The following SYNE2 variants were observed in gnomAD, a reference collection of about 807,000 sequenced individuals.
SYNE2 encodes spectrin repeat containing nuclear envelope protein 2.
Under a neutral mutation model 856.3 loss-of-function variants are expected in SYNE2, and 431 were observed. The ratio of observed to expected loss-of-function variants is 0.50; its 90% CI spans 0.47 to 0.55. The LOEUF is 0.55. Among genes scored for constraint, SYNE2 ranks in the 20% least tolerant of loss-of-function variants. The pLI is 0.00. For synonymous variants in SYNE2, 2,923 were observed against 2,872.3 expected (o/e 1.02, Z -0.56); for missense variants, 8,129 against 8,023.2 (o/e 1.01, Z -0.50).
intron 1 of SYNE2, among the ~76,000 whole-genome samples, chr14:63,803,053 TTC>T (rs1888214084): frequency 6.6e-6 from 1 of 152,168 alleles, no homozygotes; most frequent in South Asian, 2.1e-4. Flanking sequence ...CCTGCTTTTA[TTC>T]TCTTATCTGG....
rs559315562 is a variant in SYNE2, at chr14:63,927,097, C to G, written c.80-13517C>G. Among the ~76,000 whole-genome samples, 119 of 152,274 alleles carry G rather than the reference C, an allele frequency of 7.8e-4. 1 individual carries two copies. Among genetic ancestry groups the G allele is most frequent in the African/African-American group, 2.8e-3 (116 of 41,556 alleles). Reference sequence around the variant, plus strand: ...GAGAGGTGCTCTGGGGCCCACACAGCGCCTCCTAGGCTCTGTTAAGGATTT... The same window carrying G: ...GAGAGGTGCTCTGGGGCCCACACAGGGCCTCCTAGGCTCTGTTAAGGATTT... On this transcript the variant is annotated intron_variant, in intron 2 of 115. Coordinates refer to ENST00000555002, the MANE Select transcript of SYNE2 (RefSeq NM_182914.3).
chr14:63,911,494 T>C (rs1595584729), intron 2 of SYNE2, among the ~76,000 whole-genome samples: 1 of 152,282 alleles, frequency 6.6e-6, no homozygotes, highest in East Asian at 1.9e-4. Flanking sequence ...ATTATCTCAT[T>C]TGATCCTCAC....
In SYNE2 at chr14:63,813,047, T is replaced by C. The variant is rs143303287; in HGVS notation, c.-304-39454T>C. On this transcript the variant is annotated intron_variant, in intron 1 of 23. Coordinates refer to the SYNE2 transcript ENST00000674003. ...TCAAGAAGAGAGGAATTCACTCAAA[T>C]ATATAAGTACTGCAGTCAAATTCTG... Among the ~76,000 whole-genome samples the C allele has an allele frequency of 4.1e-3, 621 of 152,272 alleles. 8 individuals are homozygous for C. Among genetic ancestry groups the C allele is most frequent in the African/African-American group, 0.014 (583 of 41,554 alleles).
chr14:64,207,041 G>A (rs987440053), intron 100 of SYNE2, among the ~76,000 whole-genome samples: 1 of 152,094 alleles, frequency 6.6e-6, no homozygotes, highest in African/African-American at 2.4e-5. Flanking sequence ...GAGCATATCA[G>A]GCATTCTACC....
intron 45 of SYNE2, chr14:64,034,567 A>G (rs1056419568): frequency 9.3e-6 from 5 of 534,942 alleles, no homozygotes; most frequent in African/African-American, 3.8e-5. Flanking sequence ...TCCATTGTCA[A>G]GAATTTCATT....
At chr14:63,814,930 ATC>A (rs1300058086) in intron 1 of SYNE2, among the ~76,000 whole-genome samples, 37 of 135,646 alleles carry the variant, frequency 2.7e-4, no homozygotes, top group East Asian at 6.8e-4. Context: ...CTATCCATAT[ATC>A]TATCCATATA....
rs144279367 is a variant in SYNE2, at chr14:63,988,439, A to G, written c.2313+1822A>G. On this transcript the variant is annotated intron_variant, in intron 19 of 115. Coordinates refer to ENST00000555002, the MANE Select transcript of SYNE2 (RefSeq NM_182914.3). ...TTTTTCAGTTTTTTTTAATTACATG[A>G]GCTTTTTTGTTGGTTTTATAATTTA... Among the ~76,000 whole-genome samples the G allele has an allele frequency of 2.6e-5, 4 of 152,208 alleles. No homozygotes were observed. In the East Asian group the frequency reaches 7.7e-4, roughly 29 times the overall value.
At chr14:63,880,751 C>A (rs1328154710) in intron 1 of SYNE2, among the ~76,000 whole-genome samples, 2 of 150,790 alleles carry the variant, frequency 1.3e-5, no homozygotes, top group Non-Finnish European at 2.9e-5. Context: ...TGGCTCCCTG[C>A]AGCCTTGGCT....
At position 63,941,417 on chromosome 14, in the gene SYNE2, A is replaced by C. The variant is rs2184292; in HGVS notation, c.142-278A>C. 0.68 allele frequency among the ~76,000 whole-genome samples: 103,321 copies of C among 152,122 alleles called. 35,356 individuals are homozygous for C. Among genetic ancestry groups the C allele is most frequent in the South Asian group, 0.78 (3,736 of 4,820 alleles). On this transcript the variant is annotated intron_variant, in intron 3 of 115. Coordinates refer to ENST00000555002, the MANE Select transcript of SYNE2 (RefSeq NM_182914.3). The stretch of plus-strand genomic sequence containing the variant: ...TGGGTCACTAGCGACTGATTCTAAA[A>C]GTCTTTAATGCCACTTGTGTGCACA...
At position 64,047,989 on chromosome 14, in the gene SYNE2, A is replaced by G. The variant is rs977979803; in HGVS notation, c.7222-11A>G. ...AGACTATTCAGCAATTAATCTTTTT[A>G]TGTATTTCAGGATTCAGCTGTGGAA... On this transcript the variant is annotated splice_polypyrimidine_tract_variant and intron_variant, in intron 45 of 115. Coordinates refer to ENST00000555002, the MANE Select transcript of SYNE2 (RefSeq NM_182914.3). 2 of 1,613,166 alleles carry G rather than the reference A, an allele frequency of 1.2e-6. No homozygotes were observed. The highest frequency in any genetic ancestry group is 1.7e-6 in the Non-Finnish European group (2 of 1,179,436).
At chr14:63,962,853 G>A (rs978610783) in intron 9 of SYNE2, among the ~76,000 whole-genome samples, 4 of 152,248 alleles carry the variant, frequency 2.6e-5, no homozygotes, top group Admixed American at 1.3e-4. Context: ...ATTACTATTA[G>A]ATTGCCATTT....
At chr14:64,096,062 CTCACCAGACACCAAACGTACCAATACTT>C (rs2097674419) in intron 61 of SYNE2, among the ~76,000 whole-genome samples, 1 of 152,182 alleles carries the variant, frequency 6.6e-6, no homozygotes, top group Non-Finnish European at 1.5e-5. Context: ...GAGAACAGCC[CTCACCAGACACCAAACGTACCAATACTT>C]TGATCCTGGA....
intron 103 of SYNE2, among the ~76,000 whole-genome samples, chr14:64,210,553 G>T (rs1017353053): frequency 6.6e-6 from 1 of 152,214 alleles, no homozygotes. Context: ...GCACGTGAAT[G>T]CAAGAGCCCC....
chr14:64,031,966 C>T (rs1418345537), intron 45 of SYNE2, among the ~76,000 whole-genome samples: 1 of 152,128 alleles, frequency 6.6e-6, no homozygotes, highest in Admixed American at 6.6e-5. Flanking sequence ...GGGAATCGCA[C>T]AAAGAGAGAT....
Position 64,093,405 on chromosome 14 carries a change from C to G in SYNE2, c.12033C>G (p.Ile4011Met). The change falls in exon 61 of 116, where the codon ATC becomes ATG. Residue 4011 changes from isoleucine (I) to methionine (M), a missense_variant. Physicochemically the swap from Ile to Met is conservative, Grantham distance 10. Around this residue, in one of 3 missense-constraint regions of SYNE2, gnomAD observed 5,410 missense variants for 5,284.8 expected, o/e 1.02. Coordinates refer to ENST00000555002, the MANE Select transcript of SYNE2 (RefSeq NM_182914.3). ...AAGAAATAGAAAATTTGAAACAGAT[C>G]TTAAATAATTATTCAGCTCAGTTCT... ...WDEEIENLKQILNNYSAQFSL... is the reference protein window; with the variant it reads ...WDEEIENLKQMLNNYSAQFSL... The G allele has an allele frequency of 6.2e-7, 1 of 1,614,082 alleles. No individual in the cohort carries two copies. The highest frequency in any genetic ancestry group is 1.3e-5 in the African/African-American group (1 of 75,030).
In SYNE2 at chr14:63,858,988, T is replaced by C. The variant is rs530033909; in HGVS notation, c.-52+5845T>C. Among the ~76,000 whole-genome samples the C allele has an allele frequency of 5.3e-5, 8 of 152,358 alleles. 1 individual carries two copies. In the South Asian group the frequency reaches 1.7e-3, roughly 32 times the overall value. On this transcript the variant is annotated intron_variant, in intron 1 of 115. Transcript: ENST00000555002. ...GTTTAACATTTAGGTTCATGTACTT[T>C]AATTTTTGTTTATGGTGTGAATATG...
At chr14:63,960,663 A>G (rs1379240982) in intron 8 of SYNE2, 2 of 673,376 alleles carry the variant, frequency 3.0e-6, no homozygotes, top group African/African-American at 3.5e-5. Flanking sequence ...ACACCTCCAA[A>G]TTAGGTGTTC....
At chr14:63,840,928 C>T (rs1046334355) in intron 1 of SYNE2, among the ~76,000 whole-genome samples, 4 of 151,996 alleles carry the variant, frequency 2.6e-5, no homozygotes, top group African/African-American at 7.2e-5. Context: ...GCAGGAGAAT[C>T]GCTTGAACCC....
chr14:63,980,484 C>T (rs2096577267), intron 14 of SYNE2, among the ~76,000 whole-genome samples, 170 bp from the exon 15 acceptor site: 1 of 152,124 alleles, frequency 6.6e-6, no homozygotes, highest in Admixed American at 6.5e-5. Context: ...CTTATGTCTC[C>T]TAGATTTTCA....
Sources: gnomAD v4.1 joint callset for allele counts (sites outside exome capture counted in the v4.1 genomes callset) on GRCh38, gnomAD v4.1.1 for gene constraint, gnomAD v4.1.1 regional missense constraint, MANE v1.5 for transcripts, NCBI Gene and HGNC (gene_info 2026-07-23, HGNC 2026-07-21) for gene names.